Variants in MARCHF6 observed in about 807,000 individuals in gnomAD.
The protein encoded by MARCHF6 is membrane associated ring-CH-type finger 6.
MARCHF6 carries 31 observed loss-of-function variants against 133.7 expected under a neutral mutation model. The ratio of observed to expected loss-of-function variants is 0.23; its 90% CI spans 0.17 to 0.31. The LOEUF (loss-of-function observed/expected upper bound fraction) is 0.31, where lower values mean the gene tolerates loss of function less well. Among genes scored for constraint, MARCHF6 ranks in the 10% least tolerant of loss-of-function variants. The pLI is 1.00. For missense variants in MARCHF6, 723 were observed against 1,121.6 expected, an observed-to-expected ratio of 0.64 and a Z score of 5.08; for synonymous variants, 395 against 402.5, an observed-to-expected ratio of 0.98 and a Z score of 0.22.
At position 10,435,632 on chromosome 5, in the gene MARCHF6, TATATA is replaced by T. The variant is rs1740578384; in HGVS notation, c.*1950_*1954del. On this transcript the variant is annotated 3_prime_UTR_variant, in exon 26 of 26. Coordinates refer to ENST00000274140, the MANE Select transcript of MARCHF6 (RefSeq NM_005885.4). ...TGAATTGAGCATATAACTATATAAC[TATATA>T]ACTATATATATATATATATATATAT... 1 of 902 alleles carries T rather than the reference TATATA, an allele frequency of 1.1e-3. No individual in the cohort carries two copies. Among genetic ancestry groups the T allele is most frequent in the Non-Finnish European group, 3.1e-3 (1 of 326 alleles). The allele number at this position is 902 out of a possible 1,614,324, so 0.1% of individuals were successfully genotyped here.
intron 1 of MARCHF6, among the ~76,000 whole-genome samples, chr5:10,375,342 C>T (rs1324956550): frequency 2.0e-5 from 3 of 152,230 alleles, no homozygotes; most frequent in Non-Finnish European, 4.4e-5. Context: ...CCAGCAGTGC[C>T]GGCCCACCGG....
intron 1 of MARCHF6, among the ~76,000 whole-genome samples, chr5:10,363,475 A>C (rs1735947422): frequency 6.6e-6 from 1 of 152,230 alleles, no homozygotes; most frequent in African/African-American, 2.4e-5. Flanking sequence ...GATGGCTATA[A>C]TCAGAAAGAA....
chr5:10,416,719 C>T (rs925740348), intron 21 of MARCHF6, among the ~76,000 whole-genome samples: 1 of 151,972 alleles, frequency 6.6e-6, no homozygotes, highest in Admixed American at 6.6e-5. Context: ...TATAATGTCT[C>T]CTCTCTGTGT....
rs185733154 is a variant in MARCHF6, at chr5:10,387,716, G to A, written c.407+650G>A. On this transcript the variant is annotated intron_variant, in intron 5 of 25. Transcript: ENST00000274140. Reference sequence around the variant, plus strand: ...AATGGAGCCTCGCTCTATTACCTGGGGTAGGGTGCAGTGGTGTGATCTCTG... The same window carrying A: ...AATGGAGCCTCGCTCTATTACCTGGAGTAGGGTGCAGTGGTGTGATCTCTG... 2.7e-3 allele frequency among the ~76,000 whole-genome samples: 404 copies of A among 152,132 alleles called. 1 individual carries two copies. Among genetic ancestry groups the A allele is most frequent in the African/African-American group, 9.2e-3 (382 of 41,496 alleles).
rs917481846 is a variant in MARCHF6 at position 10,423,892 on chromosome 5, C to T, written c.2373+68C>T. ...TTGTGTTTATGTTTGGCAGCTATAA[C>T]TCTTATTTCTTATCTTCCTACCTTG... On this transcript the variant is annotated intron_variant, in intron 23 of 25. Coordinates refer to ENST00000274140, the MANE Select transcript of MARCHF6 (RefSeq NM_005885.4). 3.2e-5 allele frequency: 37 copies of T among 1,145,484 alleles called. No homozygotes were observed. In the African/African-American group the frequency reaches 3.7e-4, roughly 12 times the overall value. 71.0% of individuals were successfully genotyped at this position (1,145,484 alleles called of 1,614,324 possible). A position where few individuals can be genotyped will look rare whatever the true frequency, so the allele number is the denominator to read the frequency against.
intron 21 of MARCHF6, 40 bp downstream of exon 21, chr5:10,415,709 A>G (rs1302202339): frequency 6.8e-7 from 1 of 1,476,900 alleles, no homozygotes; most frequent in Non-Finnish European, 9.1e-7. Flanking sequence ...GTATGTTAGG[A>G]ATAGTGAATA....
chr5:10,427,169 A>G (rs1371268344), intron 24 of MARCHF6, among the ~76,000 whole-genome samples: 3 of 152,192 alleles, frequency 2.0e-5, no homozygotes, highest in Admixed American at 6.5e-5. Flanking sequence ...CAAGTGTCCC[A>G]TTCTTCCCTG....
At chr5:10,432,691 T>G (rs1380527997) in intron 25 of MARCHF6, among the ~76,000 whole-genome samples, 1 of 152,224 alleles carries the variant, frequency 6.6e-6, no homozygotes, top group East Asian at 1.9e-4. Context: ...TGCAGCCCTG[T>G]GGCCTTTGCC....
At chr5:10,359,539 T>C (rs1045470046) in intron 1 of MARCHF6, among the ~76,000 whole-genome samples, 2 of 152,196 alleles carry the variant, frequency 1.3e-5, no homozygotes, top group Non-Finnish European at 2.9e-5. Context: ...TTTTGCTCCT[T>C]CTAAGCTACA....
intron 1 of MARCHF6, among the ~76,000 whole-genome samples, chr5:10,368,201 G>A (rs1736252051): frequency 1.3e-5 from 2 of 152,074 alleles, no homozygotes; most frequent in Admixed American, 1.3e-4. Flanking sequence ...TTCTTTTTTT[G>A]ACTTTGTATG....
At chr5:10,406,143 G>T (rs1055287893) in intron 16 of MARCHF6, among the ~76,000 whole-genome samples, 1 of 152,200 alleles carries the variant, frequency 6.6e-6, no homozygotes, top group African/African-American at 2.4e-5. Flanking sequence ...AATGCCTGAT[G>T]ATCTGAAGCA....
At chr5:10,381,489 G>C (rs1227664830) in intron 3 of MARCHF6, among the ~76,000 whole-genome samples, 1 of 152,170 alleles carries the variant, frequency 6.6e-6, no homozygotes, top group African/African-American at 2.4e-5. Flanking sequence ...TATATTGGTT[G>C]AATGTTAAAA....
chr5:10,369,604 C>CA (rs1561101448), intron 1 of MARCHF6, among the ~76,000 whole-genome samples: 2 of 3,936 alleles, frequency 5.1e-4, no homozygotes, highest in Admixed American at 2.4e-3. Flanking sequence ...AGTTCCATTA[C>CA]CCCCCCCCCC....
intron 20 of MARCHF6, among the ~76,000 whole-genome samples, 184 bp from the exon 21 acceptor site, chr5:10,415,304 T>C: frequency 6.6e-6 from 1 of 152,240 alleles, no homozygotes; most frequent in East Asian, 1.9e-4. Context: ...GTTTTGGTTG[T>C]GATTTCATCA....
chr5:10,384,573 G>A (rs1737353079), intron 4 of MARCHF6, among the ~76,000 whole-genome samples: 1 of 152,176 alleles, frequency 6.6e-6, no homozygotes, highest in African/African-American at 2.4e-5. Flanking sequence ...ATTGAGGAGA[G>A]TCCTGGAACC....
chr5:10,368,818 C>T (rs1339679896), intron 1 of MARCHF6, among the ~76,000 whole-genome samples: 1 of 152,138 alleles, frequency 6.6e-6, no homozygotes, highest in African/African-American at 2.4e-5. Flanking sequence ...AGCAGTCTGC[C>T]CACCATGGCC....
At position 10,431,297 on chromosome 5, in the gene MARCHF6, T is replaced by A. The variant is rs182017786; in HGVS notation, c.2642+1269T>A. On this transcript the variant is annotated intron_variant, in intron 25 of 25. Coordinates refer to ENST00000274140, the MANE Select transcript of MARCHF6 (RefSeq NM_005885.4). ...AGCACTCAACTTTTTGGCAGAGGAG[T>A]AAATACTGCAAACAGAATGACAAGC... Among the ~76,000 whole-genome samples the A allele has an allele frequency of 2.2e-3, 339 of 152,084 alleles. 1 individual carries two copies. The highest frequency in any genetic ancestry group is 7.9e-3 in the African/African-American group (328 of 41,474).
rs1381252788 is a variant in MARCHF6, at chr5:10,381,952, T to A, written c.334+9T>A. On this transcript the variant is annotated intron_variant, in intron 4 of 25. Coordinates refer to ENST00000274140, the MANE Select transcript of MARCHF6 (RefSeq NM_005885.4). ...TGTTCCTCTTACAGCATGTGAGTAT[T>A]CATGCCTCTGATTGGAGTTATTTAA... The A allele has an allele frequency of 6.2e-7, 1 of 1,610,752 alleles. No homozygotes were observed.
chr5:10,406,715 A>G (rs769101697), intron 16 of MARCHF6, among the ~76,000 whole-genome samples: 5 of 152,176 alleles, frequency 3.3e-5, no homozygotes, highest in Non-Finnish European at 5.9e-5. Flanking sequence ...TTAAAGTAAC[A>G]TTATGTCCTT....
Sources: allele counts gnomAD v4.1 joint callset (sites outside exome capture counted in the v4.1 genomes callset), GRCh38; gene constraint gnomAD v4.1.1; transcripts MANE v1.5; gene names NCBI Gene and HGNC (gene_info 2026-07-23, HGNC 2026-07-21).